Variants in SEMA5A observed in about 807,000 individuals in gnomAD.
SEMA5A encodes the protein semaphorin-5A.
SEMA5A carries 55 observed loss-of-function variants against 135.5 expected under a neutral mutation model. The ratio of observed to expected loss-of-function variants is 0.41; its 90% CI spans 0.33 to 0.51. SEMA5A has a LOEUF of 0.51. SEMA5A is among the 20% of genes least tolerant of loss of function. The pLI, the probability that SEMA5A is intolerant of heterozygous loss-of-function variation, is 0.37. For synonymous variants in SEMA5A, 580 were observed against 546.5 expected (o/e 1.06, Z -0.85); for missense variants, 1,290 against 1,419.9 (o/e 0.91, Z 1.47).
At chr5:9,254,419 T>C (rs1372903370) in intron 5 of SEMA5A, among the ~76,000 whole-genome samples, 1 of 152,132 alleles carries the variant, frequency 6.6e-6, no homozygotes, top group Non-Finnish European at 1.5e-5. Flanking sequence ...TCTTGAGAGA[T>C]AAGAGAGACG....
chr5:9,516,860 C>G (rs749027942), intron 1 of SEMA5A: 1 of 152,206 alleles, frequency 6.6e-6, no homozygotes, highest in African/African-American at 2.4e-5. Context: ...AACCAGGGAT[C>G]CATGGTCATT....
intron 1 of SEMA5A, among the ~76,000 whole-genome samples, chr5:9,467,203 C>T (rs1442449553): frequency 1.3e-5 from 2 of 152,112 alleles, no homozygotes; most frequent in East Asian, 1.9e-4. Flanking sequence ...ACCTCCACCT[C>T]CTGGGTTCAA....
chr5:9,125,089 T>C (rs184887126), intron 13 of SEMA5A, among the ~76,000 whole-genome samples: 1 of 152,194 alleles, frequency 6.6e-6, no homozygotes, highest in Admixed American at 6.5e-5. Context: ...TTTTGATACA[T>C]CATTGACCCA....
At position 9,353,057 on chromosome 5, in the gene SEMA5A, A is replaced by C. The variant is rs1332477894; in HGVS notation, c.125-15245T>G. On this transcript the variant is annotated intron_variant, in intron 3 of 22. Coordinates refer to ENST00000382496, the MANE Select transcript of SEMA5A (RefSeq NM_003966.3). ...AACAAAAGAAGAAGGAAGGAAAGGA[A>C]AGGAAGGAAAGGAAAGGAAAGGAAA... Among the ~76,000 whole-genome samples, 4 of 82,240 alleles carry C rather than the reference A, an allele frequency of 4.9e-5. No homozygotes were observed. In the East Asian group the frequency reaches 1.2e-3, roughly 24 times the overall value. The allele number at this position is 82,240 out of a possible 152,430, so 54.0% of individuals were successfully genotyped here.
intron 11 of SEMA5A, among the ~76,000 whole-genome samples, chr5:9,168,719 G>A (rs1329487974): frequency 6.6e-6 from 1 of 152,208 alleles, no homozygotes; most frequent in African/African-American, 2.4e-5. Context: ...CTTGACAGAT[G>A]CAAAATCTGA....
At chr5:9,379,745 C>T in intron 3 of SEMA5A, 78 bp downstream of exon 3, 3 of 1,528,488 alleles carry the variant, frequency 2.0e-6, no homozygotes, top group Admixed American at 1.9e-5. Flanking sequence ...ATTCGTGATG[C>T]TCTATTATCT....
chr5:9,251,933 T>A (rs1304449780), intron 5 of SEMA5A, among the ~76,000 whole-genome samples: 1 of 152,084 alleles, frequency 6.6e-6, no homozygotes, highest in Non-Finnish European at 1.5e-5. Flanking sequence ...GAAAGGAGCT[T>A]AACAACTTGC....
intron 12 of SEMA5A, among the ~76,000 whole-genome samples, chr5:9,138,555 T>C (rs768093127): frequency 1.5e-4 from 23 of 152,256 alleles, no homozygotes; most frequent in Non-Finnish European, 2.9e-4. Flanking sequence ...ATTTCTTTGA[T>C]GAACCAACAT....
chr5:9,248,624 AATCT>A (rs1234880949), intron 5 of SEMA5A, among the ~76,000 whole-genome samples: 1 of 152,104 alleles, frequency 6.6e-6, no homozygotes, highest in Non-Finnish European at 1.5e-5. Flanking sequence ...TGGAGACATT[AATCT>A]ATTATTCAGG....
intron 15 of SEMA5A, among the ~76,000 whole-genome samples, chr5:9,109,778 A>G (rs1056233554): frequency 1.2e-4 from 19 of 152,214 alleles, no homozygotes; most frequent in Non-Finnish European, 1.3e-4. Context: ...GACACAGCTC[A>G]GGATGTGCAA....
At chr5:9,154,093 A>ATATATATATATATATATATGTGTGTGTG (rs372321939) in intron 12 of SEMA5A, among the ~76,000 whole-genome samples, 3 of 73,524 alleles carry the variant, frequency 4.1e-5, no homozygotes, top group African/African-American at 1.1e-4. Context: ...ATATATATAT[A>ATATATATATATATATATATGTGTGTGTG]TGTGTGTGTG....
At chr5:9,232,272 G>A (rs894125373) in intron 6 of SEMA5A, among the ~76,000 whole-genome samples, 3 of 152,092 alleles carry the variant, frequency 2.0e-5, no homozygotes, top group African/African-American at 7.2e-5. Flanking sequence ...CTAATTTTAG[G>A]GAGGAAAGGT....
chr5:9,154,275 C>T (rs937303022), intron 12 of SEMA5A, among the ~76,000 whole-genome samples: 23 of 151,526 alleles, frequency 1.5e-4, no homozygotes, highest in African/African-American at 2.7e-4. Flanking sequence ...GGTATTATAA[C>T]GTGGCTCCTC....
At chr5:9,543,895 T>A (rs1738231632) in intron 1 of SEMA5A, among the ~76,000 whole-genome samples, 1 of 151,982 alleles carries the variant, frequency 6.6e-6, no homozygotes. Context: ...AAATCCATGT[T>A]TCTTTTGGTG....
chr5:9,530,862 G>T (rs461907), intron 1 of SEMA5A, among the ~76,000 whole-genome samples: 2 of 151,968 alleles, frequency 1.3e-5, no homozygotes, highest in African/African-American at 4.8e-5. Flanking sequence ...CTACAAAATC[G>T]GAGGGAGAGA....
At chr5:9,501,936 A>G (rs1735619408) in intron 1 of SEMA5A, among the ~76,000 whole-genome samples, 1 of 152,180 alleles carries the variant, frequency 6.6e-6, no homozygotes, top group African/African-American at 2.4e-5. Flanking sequence ...TAACTTGCTC[A>G]GTTTCTAGAT....
intron 3 of SEMA5A, among the ~76,000 whole-genome samples, chr5:9,367,160 T>C (rs1464141465): frequency 1.3e-5 from 2 of 152,292 alleles, no homozygotes; most frequent in Admixed American, 1.3e-4. Flanking sequence ...ATTTAACTAA[T>C]TAAAATTAAA....
chr5:9,413,658 A>G (rs1757182307), intron 2 of SEMA5A, among the ~76,000 whole-genome samples: 1 of 152,218 alleles, frequency 6.6e-6, no homozygotes, highest in Non-Finnish European at 1.5e-5. Context: ...AAATCATTGC[A>G]TAAATTAATA....
chr5:9,370,444 T>C (rs1434925619), intron 3 of SEMA5A, among the ~76,000 whole-genome samples: 1 of 152,160 alleles, frequency 6.6e-6, no homozygotes, highest in African/African-American at 2.4e-5. Context: ...ACAGCATGAG[T>C]CTGGCAGGCT....
Sources: gnomAD v4.1 joint callset for allele counts (sites outside exome capture counted in the v4.1 genomes callset) on GRCh38, gnomAD v4.1.1 for gene constraint, MANE v1.5 for transcripts, NCBI Gene and HGNC (gene_info 2026-07-23, HGNC 2026-07-21) for gene names.